Variants in DDAH1 observed in about 807,000 individuals in gnomAD.
The protein encoded by DDAH1 is dimethylarginine dimethylaminohydrolase 1.
In DDAH1, 19 loss-of-function variants were observed where a neutral mutation model predicts 28.8. The ratio of observed to expected loss-of-function variants is 0.66; its 90% CI spans 0.46 to 0.97. The LOEUF is 0.97. DDAH1 is among the 50% of genes least tolerant of loss of function. DDAH1 has a pLI of 0.00. For synonymous variants in DDAH1, 153 were observed against 154.4 expected (o/e 0.99, Z 0.07); for missense variants, 326 against 375.9 (o/e 0.87, Z 1.10).
At chr1:85,552,141 A>G (rs1658811379) in intron 1 of DDAH1, among the ~76,000 whole-genome samples, 1 of 152,210 alleles carries the variant, frequency 6.6e-6, no homozygotes, top group African/African-American at 2.4e-5. Context: ...TACTGGTTTC[A>G]GCTATTATCT....
chr1:85,481,222 C>A (rs1318606545), intron 2 of DDAH1, among the ~76,000 whole-genome samples: 1 of 151,630 alleles, frequency 6.6e-6, no homozygotes, highest in Non-Finnish European at 1.5e-5. Context: ...CCCAGCCTCC[C>A]AAGTAGCTGA....
At chr1:85,564,103 C>T (rs1479035799) in intron 1 of DDAH1, among the ~76,000 whole-genome samples, 2 of 152,072 alleles carry the variant, frequency 1.3e-5, no homozygotes, top group East Asian at 3.9e-4. Flanking sequence ...ACCCTGGAGG[C>T]GGAAGTTGCA....
chr1:85,504,596 C>A (rs1257545579), intron 1 of DDAH1, among the ~76,000 whole-genome samples: 3 of 152,164 alleles, frequency 2.0e-5, no homozygotes, highest in Non-Finnish European at 2.9e-5. Context: ...ATGTCTGGAA[C>A]TTTCTAAGTG....
At chr1:85,467,072 G>A (rs943625878), upstream of DDAH1, among the ~76,000 whole-genome samples, 1 of 151,672 alleles carries the variant, frequency 6.6e-6, no homozygotes, top group Non-Finnish European at 1.5e-5. Flanking sequence ...CCTCAACTGA[G>A]GTGATCCGCC....
chr1:85,463,097 C>G (rs969570541), intron 1 of DDAH1, among the ~76,000 whole-genome samples: 22 of 152,324 alleles, frequency 1.4e-4, no homozygotes, highest in African/African-American at 4.8e-4. Context: ...AGTGGTAGAG[C>G]TGAGATTCAG....
At chr1:85,451,434 T>A (rs896621759) in intron 1 of DDAH1, among the ~76,000 whole-genome samples, 2 of 152,184 alleles carry the variant, frequency 1.3e-5, no homozygotes, top group East Asian at 1.9e-4. Flanking sequence ...TTATTGCATT[T>A]ATTCACCATA....
At chr1:85,381,701 T>C (rs1651002550) in intron 1 of DDAH1, among the ~76,000 whole-genome samples, 1 of 150,592 alleles carries the variant, frequency 6.6e-6, no homozygotes, top group Non-Finnish European at 1.5e-5. Context: ...CTTTGCTTTA[T>C]TGTGATTTGC....
At chr1:85,453,814 T>G (rs1263878715) in intron 1 of DDAH1, among the ~76,000 whole-genome samples, 1 of 152,222 alleles carries the variant, frequency 6.6e-6, no homozygotes, top group Admixed American at 6.5e-5. Context: ...TGCATAAGTG[T>G]GAAGGAAAGA....
chr1:85,573,412 T>C (rs1659514140), intron 1 of DDAH1, among the ~76,000 whole-genome samples: 1 of 152,252 alleles, frequency 6.6e-6, no homozygotes, highest in African/African-American at 2.4e-5. Context: ...GATAATGACT[T>C]ACAATTATTA....
intron 1 of DDAH1, among the ~76,000 whole-genome samples, chr1:85,512,201 A>T (rs2100751815): frequency 6.6e-6 from 1 of 152,348 alleles, no homozygotes; most frequent in African/African-American, 2.4e-5. Context: ...CAACATACGC[A>T]AATCAATAAA....
chr1:85,565,648 T>C (rs1340858179), intron 1 of DDAH1, among the ~76,000 whole-genome samples: 2 of 152,124 alleles, frequency 1.3e-5, no homozygotes, highest in African/African-American at 4.8e-5. Context: ...GCACACCTGC[T>C]CAAGAAACAT....
intron 1 of DDAH1, among the ~76,000 whole-genome samples, chr1:85,360,998 GT>G (rs1649765586): frequency 6.6e-6 from 1 of 152,182 alleles, no homozygotes; most frequent in Admixed American, 6.5e-5. Context: ...TACTTTCAGA[GT>G]TAAGCACATG....
chr1:85,519,959 T>G (rs1657617056), intron 1 of DDAH1, among the ~76,000 whole-genome samples: 1 of 146,758 alleles, frequency 6.8e-6, no homozygotes, highest in Admixed American at 7.1e-5. Context: ...AATGTTTCAT[T>G]CTTTTTTTTC....
intron 1 of DDAH1, among the ~76,000 whole-genome samples, chr1:85,432,612 T>C (rs956364504): frequency 6.6e-6 from 1 of 152,188 alleles, no homozygotes; most frequent in Non-Finnish European, 1.5e-5. Context: ...GAAATGCAGT[T>C]ATTTTAATAT....
intron 1 of DDAH1, among the ~76,000 whole-genome samples, chr1:85,390,713 G>C (rs72724610): frequency 0.015 from 2,307 of 152,220 alleles, 31 homozygotes; most frequent in Non-Finnish European, 0.023. Flanking sequence ...TGAGATCTTA[G>C]AGCCAAAGCC....
At chr1:85,543,923 T>C (rs1360617864) in intron 1 of DDAH1, among the ~76,000 whole-genome samples, 2 of 152,168 alleles carry the variant, frequency 1.3e-5, no homozygotes, top group African/African-American at 2.4e-5. Context: ...AAGGAAAGCA[T>C]TAAAGAACAA....
chr1:85,412,860 G>A (rs1652721690), intron 1 of DDAH1, among the ~76,000 whole-genome samples: 1 of 152,078 alleles, frequency 6.6e-6, no homozygotes, highest in Non-Finnish European at 1.5e-5. Context: ...AATTAGCTGG[G>A]CATGGTGGCA....
At position 85,320,512 on chromosome 1, in the gene DDAH1, T is replaced by C. The variant is rs1164164163; in HGVS notation, c.*940A>G. 2 of 144,696 alleles carry C rather than the reference T, an allele frequency of 1.4e-5. No individual in the cohort carries two copies. The highest frequency in any genetic ancestry group is 3.0e-5 in the Non-Finnish European group (2 of 66,524). 9.0% of individuals were successfully genotyped at this position (144,696 alleles called of 1,614,324 possible). ...CAGGGTAGGTGGAAACAGAAATGAG[T>C]AGAAGGAAAAAAAAAAAAGAGTTCC... On this transcript the variant is annotated 3_prime_UTR_variant, in exon 6 of 6. Coordinates refer to ENST00000284031, the MANE Select transcript of DDAH1 (RefSeq NM_012137.4).
Position 85,321,463 on chromosome 1 carries a change from C to T in DDAH1, c.847G>A (p.Val283Ile), listed in dbSNP as rs777297021. The T allele has an allele frequency of 1.2e-6, 2 of 1,613,426 alleles. No homozygotes were observed. The highest frequency in any genetic ancestry group is 1.1e-5 in the South Asian group (1 of 91,060). ...TCCSVLINKK[V>I]DS Reference sequence around the variant, plus strand: ...GGGGACTCTGCAGCTCAGGAGTCTACTTTCTTGTTAATTAAAACTGAGCAG... The same window carrying T: ...GGGGACTCTGCAGCTCAGGAGTCTATTTTCTTGTTAATTAAAACTGAGCAG... Residue 283 changes from valine to isoleucine, a missense_variant, in exon 6 of 6, where the codon GTA (valine) becomes ATA (isoleucine). Physicochemically the swap from Val to Ile is conservative, Grantham distance 29 (BLOSUM62 3). Transcript: ENST00000284031.
Sources: allele counts gnomAD v4.1 joint callset (sites outside exome capture counted in the v4.1 genomes callset), GRCh38; gene constraint gnomAD v4.1.1; transcripts MANE v1.5; gene names NCBI Gene and HGNC (gene_info 2026-07-23, HGNC 2026-07-21).